Variants in KIAA0319L observed in about 807,000 individuals in gnomAD.
The protein encoded by KIAA0319L is KIAA0319 like, also known as dyslexia-associated protein KIAA0319-like protein.
Under a neutral mutation model 120.1 loss-of-function variants are expected in KIAA0319L, and 55 were observed. The observed-to-expected ratio is 0.46, with a 90% CI of 0.37 to 0.57. KIAA0319L has a LOEUF of 0.57. Among genes scored for constraint, KIAA0319L ranks in the 20% least tolerant of loss-of-function variants. The pLI, the probability that KIAA0319L is intolerant of heterozygous loss-of-function variation, is 0.00. For synonymous variants in KIAA0319L, 398 were observed against 471.9 expected, an observed-to-expected ratio of 0.84 and a Z score of 2.03; for missense variants, 1,049 against 1,255.3, an observed-to-expected ratio of 0.84 and a Z score of 2.48.
At chr1:35,435,325 T>A (rs759097329) in intron 20 of KIAA0319L, 10 of 447,786 alleles carry the variant, frequency 2.2e-5, no homozygotes, top group Non-Finnish European at 3.9e-5. Context: ...CTGCTGGTTC[T>A]TCATCTCCAG....
At chr1:35,442,064 T>C (rs1197177141) in intron 19 of KIAA0319L, among the ~76,000 whole-genome samples, 182 bp downstream of exon 19, 1 of 152,166 alleles carries the variant, frequency 6.6e-6, no homozygotes, top group Non-Finnish European at 1.5e-5. Flanking sequence ...AGTGTGCCTC[T>C]GCCCTCAGGA....
At chr1:35,441,473 G>A (rs1641211151) in intron 19 of KIAA0319L, among the ~76,000 whole-genome samples, 1 of 152,086 alleles carries the variant, frequency 6.6e-6, no homozygotes, top group Admixed American at 6.5e-5. Flanking sequence ...AACAAAGTTG[G>A]TAATGGTGGT....
intron 16 of KIAA0319L, among the ~76,000 whole-genome samples, 170 bp downstream of exon 16, chr1:35,448,003 C>T (rs942410916): frequency 5.3e-5 from 8 of 152,154 alleles, no homozygotes; most frequent in East Asian, 3.8e-4. Flanking sequence ...TCTAGTACAG[C>T]GCATGTCACC....
chr1:35,547,267 A>G (rs1383302622), intron 2 of KIAA0319L, among the ~76,000 whole-genome samples: 4 of 148,520 alleles, frequency 2.7e-5, no homozygotes, highest in Non-Finnish European at 5.9e-5. Flanking sequence ...TATATATTTT[A>G]CTATAGTGCA....
rs1232013506 is a variant in KIAA0319L, at chr1:35,516,666, A to AG, written c.143-9532_143-9531insC. Among the ~76,000 whole-genome samples the AG allele has an allele frequency of 7.2e-5, 11 of 152,356 alleles. No homozygotes were observed. In the East Asian group the frequency reaches 1.2e-3, roughly 16 times the overall value. On this transcript the variant is annotated intron_variant, in intron 2 of 20. Coordinates refer to ENST00000325722, the MANE Select transcript of KIAA0319L (RefSeq NM_024874.5). The stretch of plus-strand genomic sequence containing the variant: ...GCACAAGACAAGGATTCCCTCTTTT[A>AG]CGAATCTTATTCAACACAGTATTAG...
intron 3 of KIAA0319L, among the ~76,000 whole-genome samples, chr1:35,497,193 G>T (rs190795930): frequency 6.6e-6 from 1 of 151,482 alleles, no homozygotes; most frequent in African/African-American, 2.4e-5. Context: ...GGAAGTTTTG[G>T]GGGGGTGATA....
At chr1:35,519,015 T>G (rs1394825641) in intron 2 of KIAA0319L, among the ~76,000 whole-genome samples, 3 of 151,724 alleles carry the variant, frequency 2.0e-5, no homozygotes, top group Non-Finnish European at 4.4e-5. Flanking sequence ...TTGCTCAAAT[T>G]CTCCTTACAG....
intron 9 of KIAA0319L, among the ~76,000 whole-genome samples, chr1:35,456,719 G>C (rs187637237): frequency 6.6e-6 from 1 of 151,932 alleles, no homozygotes; most frequent in Non-Finnish European, 1.5e-5. Flanking sequence ...GCTGAGGCAA[G>C]AGAATTTCTT....
intron 7 of KIAA0319L, among the ~76,000 whole-genome samples, chr1:35,463,007 T>A (rs562701270): frequency 6.6e-6 from 1 of 152,256 alleles, no homozygotes; most frequent in East Asian, 1.9e-4. Flanking sequence ...ACAATAAGGT[T>A]CATCCTCCTG....
chr1:35,512,781 A>G (rs1645505146), intron 2 of KIAA0319L, among the ~76,000 whole-genome samples: 1 of 150,720 alleles, frequency 6.6e-6, no homozygotes, highest in African/African-American at 2.4e-5. Context: ...AGGCAGGAGA[A>G]TCACTTGCCT....
chr1:35,440,110 C>A (rs1391652105), intron 20 of KIAA0319L: 1 of 152,186 alleles, frequency 6.6e-6, no homozygotes, highest in African/African-American at 2.4e-5. Flanking sequence ...GCCCTCACTG[C>A]TCTGGTTTCC....
Position 35,489,019 on chromosome 1 carries a change from G to C in KIAA0319L, c.667-9807C>G, listed in dbSNP as rs988274579. ...GACAAGATCAAGGACATATTTGCAA[G>C]TATCAAGTTTGAACAATGAGCATCA... On this transcript the variant is annotated intron_variant, in intron 3 of 20. Transcript: ENST00000325722. Among the ~76,000 whole-genome samples, 4 of 152,300 alleles carry C rather than the reference G, an allele frequency of 2.6e-5. No homozygotes were observed. In the East Asian group the frequency reaches 7.7e-4, roughly 29 times the overall value.
At chr1:35,451,933 G>T in intron 12 of KIAA0319L, 157 bp from the exon 13 acceptor site, 1 of 780,998 alleles carries the variant, frequency 1.3e-6, no homozygotes, top group Non-Finnish European at 2.0e-6. Context: ...ATTGGACAAA[G>T]TGTCATTTGG....
chr1:35,470,305 C>G (rs567400091), intron 6 of KIAA0319L, among the ~76,000 whole-genome samples: 1 of 151,860 alleles, frequency 6.6e-6, no homozygotes, highest in Non-Finnish European at 1.5e-5. Flanking sequence ...CCAGCCTGGG[C>G]AATATGATGA....
chr1:35,545,137 A>G (rs1646934716), intron 2 of KIAA0319L, among the ~76,000 whole-genome samples: 1 of 152,186 alleles, frequency 6.6e-6, no homozygotes, highest in Non-Finnish European at 1.5e-5. Flanking sequence ...GGCATGCGGC[A>G]AGACCACATG....
At chr1:35,515,112 A>C (rs938252917) in intron 2 of KIAA0319L, among the ~76,000 whole-genome samples, 2 of 152,174 alleles carry the variant, frequency 1.3e-5, no homozygotes, top group Admixed American at 6.5e-5. Flanking sequence ...CAGGAGTTTG[A>C]GGCCAGCCTG....
At chr1:35,491,223 G>C (rs1269268468) in intron 3 of KIAA0319L, among the ~76,000 whole-genome samples, 1 of 152,052 alleles carries the variant, frequency 6.6e-6, no homozygotes, top group Non-Finnish European at 1.5e-5. Context: ...TAAACGAATG[G>C]GGATCAGCAA....
Position 35,466,563 on chromosome 1 carries a change from C to T in KIAA0319L, c.1201+45G>A, listed in dbSNP as rs371302117. On this transcript the variant is annotated intron_variant, in intron 7 of 20. Coordinates refer to ENST00000325722, the MANE Select transcript of KIAA0319L (RefSeq NM_024874.5). ...ATCAAATCTCTATCTCCTCAGGAGTCCTGCAGAGGGAGGAAGGGAGACACA... is the reference window on the plus strand; with the variant it reads ...ATCAAATCTCTATCTCCTCAGGAGTTCTGCAGAGGGAGGAAGGGAGACACA... 6.8e-5 allele frequency: 88 copies of T among 1,297,684 alleles called. 1 individual carries two copies. In the African/African-American group the frequency reaches 1.1e-3, roughly 16 times the overall value. 80.4% of individuals were successfully genotyped at this position (1,297,684 alleles called of 1,614,324 possible). A position where few individuals can be genotyped will look rare whatever the true frequency, so the allele number is the denominator to read the frequency against.
chr1:35,472,615 G>T (rs1018098724), intron 5 of KIAA0319L, among the ~76,000 whole-genome samples: 8 of 151,292 alleles, frequency 5.3e-5, no homozygotes, highest in Admixed American at 3.3e-4. Context: ...TTTGAAAATG[G>T]ACCTGGAGGG....
Sources: allele counts gnomAD v4.1 joint callset (sites outside exome capture counted in the v4.1 genomes callset), GRCh38; gene constraint gnomAD v4.1.1; transcripts MANE v1.5; gene names NCBI Gene and HGNC (gene_info 2026-07-23, HGNC 2026-07-21).